Variants in UNC5C observed in about 807,000 individuals in gnomAD.
UNC5C encodes the protein netrin receptor UNC5C.
A neutral mutation model predicts 99.8 loss-of-function variants in UNC5C; 47 were observed. The observed-to-expected ratio is 0.47, with a 90% CI of 0.37 to 0.60. UNC5C has a LOEUF of 0.60. Ranked by LOEUF, UNC5C falls within the 20% of genes least tolerant of loss-of-function variation. The pLI is 0.00. For missense variants in UNC5C, 1,062 were observed against 1,165.9 expected (o/e 0.91, Z 1.30); for synonymous variants, 487 against 452.2 (o/e 1.08, Z -0.98).
At chr4:95,243,950 T>G (rs1739412659) in intron 6 of UNC5C, among the ~76,000 whole-genome samples, 1 of 152,202 alleles carries the variant, frequency 6.6e-6, no homozygotes, top group Non-Finnish European at 1.5e-5. Flanking sequence ...GTGTCAAAAT[T>G]TGTTTCATAA....
At chr4:95,538,501 C>T (rs925298218) in intron 1 of UNC5C, among the ~76,000 whole-genome samples, 3 of 152,152 alleles carry the variant, frequency 2.0e-5, no homozygotes, top group African/African-American at 4.8e-5. Flanking sequence ...GGCAACCTCC[C>T]TCATTAGGAT....
intron 1 of UNC5C, among the ~76,000 whole-genome samples, chr4:95,395,838 A>G (rs951771992): frequency 6.6e-6 from 1 of 152,210 alleles, no homozygotes; most frequent in Admixed American, 6.5e-5. Flanking sequence ...ACAGCAGAGC[A>G]TTAGACCAAG....
intron 1 of UNC5C, among the ~76,000 whole-genome samples, chr4:95,458,418 T>C (rs1173266118): frequency 6.6e-6 from 1 of 152,142 alleles, no homozygotes; most frequent in African/African-American, 2.4e-5. Context: ...CTTTTCCCGT[T>C]AGATATCTCT....
intron 2 of UNC5C, among the ~76,000 whole-genome samples, chr4:95,304,661 C>G (rs1253702709): frequency 6.6e-6 from 1 of 152,128 alleles, no homozygotes; most frequent in Non-Finnish European, 1.5e-5. Context: ...AATTCAGTTA[C>G]TGGAAACAAA....
intron 1 of UNC5C, among the ~76,000 whole-genome samples, chr4:95,532,236 G>T (rs1722665061): frequency 6.6e-6 from 1 of 152,032 alleles, no homozygotes; most frequent in Non-Finnish European, 1.5e-5. Context: ...TGGCCTTTTA[G>T]CTAGAATCTA....
intron 12 of UNC5C, among the ~76,000 whole-genome samples, chr4:95,198,140 C>A (rs2149358686): frequency 1.3e-5 from 2 of 152,154 alleles, no homozygotes; most frequent in Non-Finnish European, 2.9e-5. Context: ...AGGGGCACAC[C>A]ACCACGCCCA....
chr4:95,213,229 T>TATC (rs1240415240), intron 10 of UNC5C, among the ~76,000 whole-genome samples: 1 of 152,230 alleles, frequency 6.6e-6, no homozygotes, highest in Non-Finnish European at 1.5e-5. Context: ...TCAACTTTCA[T>TATC]ATCTTCAATT....
intron 1 of UNC5C, among the ~76,000 whole-genome samples, chr4:95,354,480 T>TATATATATATATATATATATATATATATA (rs760696053): frequency 3.7e-4 from 39 of 105,604 alleles, no homozygotes; most frequent in African/African-American, 1.5e-3. Flanking sequence ...TATATATATA[T>TATATATATATATATATATATATATATATA]TTTTTTTTTT....
At chr4:95,440,681 G>GA (rs201730109) in intron 1 of UNC5C, among the ~76,000 whole-genome samples, 2,165 of 150,342 alleles carry the variant, frequency 0.014, 52 homozygotes, top group African/African-American at 0.05. Flanking sequence ...ACCTGACACC[G>GA]AAAAAAAAAG....
chr4:95,257,484 G>C (rs1194452562), intron 4 of UNC5C, among the ~76,000 whole-genome samples: 1 of 152,132 alleles, frequency 6.6e-6, no homozygotes, highest in East Asian at 1.9e-4. Flanking sequence ...GACAATAATT[G>C]GAAGGGACAG....
At chr4:95,372,478 A>G (rs6846883) in intron 1 of UNC5C, among the ~76,000 whole-genome samples, 1 of 151,832 alleles carries the variant, frequency 6.6e-6, no homozygotes, top group African/African-American at 2.4e-5. Flanking sequence ...GCGATTTCCA[A>G]ACGGGAAAGG....
At chr4:95,486,953 G>C (rs1276911540) in intron 1 of UNC5C, among the ~76,000 whole-genome samples, 1 of 151,636 alleles carries the variant, frequency 6.6e-6, no homozygotes, top group Non-Finnish European at 1.5e-5. Context: ...AATGGATCAA[G>C]GCCAATTATA....
chr4:95,375,491 TA>T (rs1237903968), intron 1 of UNC5C, among the ~76,000 whole-genome samples: 1 of 152,154 alleles, frequency 6.6e-6, no homozygotes, highest in Non-Finnish European at 1.5e-5. Context: ...AGATGATTGT[TA>T]TAAAGAAACA....
At chr4:95,278,869 T>C (rs1054567469) in intron 3 of UNC5C, among the ~76,000 whole-genome samples, 9 of 152,194 alleles carry the variant, frequency 5.9e-5, no homozygotes, top group African/African-American at 2.2e-4. Flanking sequence ...TCAGAGGTTA[T>C]GAACTGTTCC....
At chr4:95,309,187 C>T (rs1051316591) in intron 2 of UNC5C, among the ~76,000 whole-genome samples, 6 of 152,176 alleles carry the variant, frequency 3.9e-5, no homozygotes, top group African/African-American at 1.2e-4. Flanking sequence ...GGGGAAAGGA[C>T]GGTCTCTTCA....
chr4:95,191,978 C>G (rs1737128024), intron 12 of UNC5C, among the ~76,000 whole-genome samples: 1 of 136,618 alleles, frequency 7.3e-6, no homozygotes, highest in East Asian at 2.5e-4. Context: ...CTCACCTCCT[C>G]CCCTCCCCCC....
intron 1 of UNC5C, among the ~76,000 whole-genome samples, chr4:95,366,767 C>T (rs966010126): frequency 1.3e-5 from 2 of 152,058 alleles, no homozygotes; most frequent in African/African-American, 2.4e-5. Flanking sequence ...AATTGTTAAG[C>T]GAATTTTTGT....
At chr4:95,356,816 T>C (rs982807943) in intron 1 of UNC5C, among the ~76,000 whole-genome samples, 1 of 152,158 alleles carries the variant, frequency 6.6e-6, no homozygotes, top group African/African-American at 2.4e-5. Flanking sequence ...TGAGTGAGTA[T>C]TGCTTGAGGT....
intron 13 of UNC5C, among the ~76,000 whole-genome samples, chr4:95,184,383 A>G (rs1736747791): frequency 6.6e-6 from 1 of 152,210 alleles, no homozygotes; most frequent in African/African-American, 2.4e-5. Context: ...ATAAATATCA[A>G]CATGGATTCA....
Sources: gnomAD v4.1 joint callset for allele counts (sites outside exome capture counted in the v4.1 genomes callset) on GRCh38, gnomAD v4.1.1 for gene constraint, MANE v1.5 for transcripts, NCBI Gene and HGNC (gene_info 2026-07-23, HGNC 2026-07-21) for gene names.